Variants in TASP1 observed in about 807,000 individuals in gnomAD.
The protein encoded by TASP1 is threonine aspartase 1.
Under a neutral mutation model 56.6 loss-of-function variants are expected in TASP1, and 16 were observed. The observed-to-expected ratio is 0.28, with a 90% CI of 0.19 to 0.43. The LOEUF (loss-of-function observed/expected upper bound fraction) is 0.43. Among genes scored for constraint, TASP1 ranks in the 20% least tolerant of loss-of-function variants. The pLI is 1.00. For synonymous variants in TASP1, 179 were observed against 184.2 expected (o/e 0.97, Z 0.23); for missense variants, 393 against 511.6 (o/e 0.77, Z 2.24).
chr20:13,154,053 A>C, the TASP1 span: 1 of 1,614,152 alleles, frequency 6.2e-7, no homozygotes, highest in South Asian at 1.1e-5. Context: ...CTTCAGACAA[A>C]GACTGCAGGA....
chr20:13,618,294 T>C (rs2048592913), intron 4 of TASP1, among the ~76,000 whole-genome samples: 1 of 151,938 alleles, frequency 6.6e-6, no homozygotes, highest in African/African-American at 2.4e-5. Context: ...ACGCCTGTAG[T>C]CCCAACTACT....
the TASP1 span, among the ~76,000 whole-genome samples, chr20:13,107,669 G>A: frequency 2.6e-5 from 4 of 152,020 alleles, no homozygotes; most frequent in Non-Finnish European, 4.4e-5. Flanking sequence ...CTTCTTTCAC[G>A]GGTCCTTACG....
the TASP1 span, among the ~76,000 whole-genome samples, chr20:13,192,850 G>T: frequency 2.6e-4 from 40 of 151,890 alleles, no homozygotes; most frequent in African/African-American, 8.0e-4. Flanking sequence ...CACTACACAG[G>T]GCCTAAATAA....
intron 6 of TASP1, among the ~76,000 whole-genome samples, chr20:13,572,756 A>C (rs1371178219): frequency 6.6e-6 from 1 of 151,614 alleles, no homozygotes; most frequent in African/African-American, 2.4e-5. Flanking sequence ...CCTGAAACGG[A>C]CTATCTGGGC....
At chr20:13,591,096 CA>C (rs1167486325) in intron 4 of TASP1, among the ~76,000 whole-genome samples, 1 of 151,320 alleles carries the variant, frequency 6.6e-6, no homozygotes, top group African/African-American at 2.4e-5. Context: ...AAGAAAAAAA[CA>C]GTACTGGAGA....
chr20:13,408,687 T>A (rs1456337299), intron 13 of TASP1, among the ~76,000 whole-genome samples: 2 of 152,156 alleles, frequency 1.3e-5, no homozygotes, highest in Non-Finnish European at 2.9e-5. Context: ...AATATGTAAA[T>A]GGTTATTTAA....
intron 4 of TASP1, among the ~76,000 whole-genome samples, chr20:13,610,692 G>T (rs971092773): frequency 6.7e-6 from 1 of 149,480 alleles, no homozygotes; most frequent in African/African-American, 2.5e-5. Flanking sequence ...AACTTACAAA[G>T]TTTTTTTTTT....
chr20:13,163,030 A>G, the TASP1 span, among the ~76,000 whole-genome samples: 2 of 152,188 alleles, frequency 1.3e-5, no homozygotes, highest in African/African-American at 4.8e-5. Flanking sequence ...TATTACGTAC[A>G]TTATATAAGA....
chr20:13,459,511 A>G (rs577902152), intron 11 of TASP1, among the ~76,000 whole-genome samples: 5 of 152,240 alleles, frequency 3.3e-5, no homozygotes, highest in African/African-American at 1.2e-4. Context: ...GCACCCATAA[A>G]CCAAACTTTG....
At chr20:13,137,280 G>C in the TASP1 span, among the ~76,000 whole-genome samples, 1 of 152,166 alleles carries the variant, frequency 6.6e-6, no homozygotes, top group Non-Finnish European at 1.5e-5. Context: ...CATCTGTGGG[G>C]AAGTTGTTGC....
At chr20:13,421,108 CTTTT>C (rs34805037) in intron 12 of TASP1, among the ~76,000 whole-genome samples, 5 of 123,434 alleles carry the variant, frequency 4.1e-5, no homozygotes, top group Non-Finnish European at 5.0e-5. Context: ...CGTTTTCCTT[CTTTT>C]TTTTTTTTTT....
chr20:13,145,744 A>G, the TASP1 span, among the ~76,000 whole-genome samples: 2 of 152,230 alleles, frequency 1.3e-5, no homozygotes, highest in Admixed American at 1.3e-4. Context: ...ACACTATACT[A>G]CAAGGCTACA....
intron 13 of TASP1, among the ~76,000 whole-genome samples, chr20:13,413,527 GTT>G (rs1311951665): frequency 1.3e-5 from 2 of 152,126 alleles, no homozygotes; most frequent in Non-Finnish European, 2.9e-5. Flanking sequence ...AATGGGATGT[GTT>G]ATCTGAATTT....
the TASP1 span, among the ~76,000 whole-genome samples, chr20:13,286,907 G>A: frequency 6.6e-6 from 1 of 152,234 alleles, no homozygotes; most frequent in African/African-American, 2.4e-5. Context: ...TCCACGCTTG[G>A]CAGCAGCAGA....
chr20:13,495,133 T>C (rs1399086780), intron 10 of TASP1, among the ~76,000 whole-genome samples: 1 of 152,126 alleles, frequency 6.6e-6, no homozygotes, highest in Non-Finnish European at 1.5e-5. Context: ...GCCAGCCACA[T>C]ATATTAAATA....
In TASP1 at chr20:13,580,106, T is replaced by A. The variant is rs181573214; in HGVS notation, c.488+791A>T. Reference sequence around the variant, plus strand: ...TATGTTGTGCAAACACAGAATTACTTACAAAACTATTTAAGGGTAAACTAC... The same window carrying A: ...TATGTTGTGCAAACACAGAATTACTAACAAAACTATTTAAGGGTAAACTAC... On this transcript the variant is annotated intron_variant, in intron 6 of 13. Coordinates refer to ENST00000337743, the MANE Select transcript of TASP1 (RefSeq NM_017714.3). Among the ~76,000 whole-genome samples the A allele has an allele frequency of 6.0e-3, 911 of 152,308 alleles. 8 individuals carry two copies. Among genetic ancestry groups the A allele is most frequent in the Non-Finnish European group, 0.01 (681 of 68,018 alleles).
the TASP1 span, among the ~76,000 whole-genome samples, chr20:13,337,071 G>T: frequency 6.6e-6 from 1 of 152,358 alleles, no homozygotes; most frequent in Admixed American, 6.5e-5. Context: ...AGAGGCACCA[G>T]AATTCAGAGG....
the TASP1 span, among the ~76,000 whole-genome samples, chr20:13,337,507 G>A: frequency 1.8e-4 from 27 of 152,220 alleles, 1 homozygote; most frequent in African/African-American, 5.1e-4. Flanking sequence ...CCTTTACATG[G>A]GGATTTGTAT....
chr20:13,169,339 G>A, the TASP1 span, among the ~76,000 whole-genome samples: 2 of 152,178 alleles, frequency 1.3e-5, no homozygotes, highest in East Asian at 1.9e-4. Context: ...GACACTACAA[G>A]TCAGGGCTCT....
Sources: gnomAD v4.1 joint callset for allele counts (sites outside exome capture counted in the v4.1 genomes callset) on GRCh38, gnomAD v4.1.1 for gene constraint, MANE v1.5 for transcripts, NCBI Gene and HGNC (gene_info 2026-07-23, HGNC 2026-07-21) for gene names.